The following ZNF569 variants were observed in gnomAD, a reference collection of about 807,000 sequenced individuals.
The protein encoded by ZNF569 is DNA-binding protein.
ZNF569 carries 38 observed loss-of-function variants against 56.3 expected under a neutral mutation model. The observed-to-expected ratio is 0.68, with a 90% confidence interval of 0.52 to 0.88. The LOEUF (loss-of-function observed/expected upper bound fraction) is 0.88, where lower values mean the gene tolerates loss of function less well. Ranked by LOEUF, ZNF569 falls within the 40% of genes least tolerant of loss-of-function variation. ZNF569 has a pLI of 0.00. For missense variants in ZNF569, 666 were observed against 809.2 expected (o/e 0.82, Z 2.15); for synonymous variants, 241 against 262.9 (o/e 0.92, Z 0.81).
At chr19:37,466,959 C>T (rs952292730) in intron 1 of ZNF569, 125 bp downstream of exon 1, 1 of 152,626 alleles carries the variant, frequency 6.6e-6, no homozygotes, top group African/African-American at 2.4e-5. Flanking sequence ...CAGGGAACCA[C>T]AAGCACAGGC....
chr19:37,468,072 T>G (rs771813312), upstream of ZNF569: 143 of 203,490 alleles, frequency 7.0e-4, 1 homozygote, highest in African/African-American at 5.0e-3. Context: ...GCCTTTCGTG[T>G]TTTTTTTTTT....
Position 37,420,281 on chromosome 19 carries a change from C to T in ZNF569, c.238+5587G>A, listed in dbSNP as rs2041012369. Among the ~76,000 whole-genome samples, 8 of 152,148 alleles carry T rather than the reference C, an allele frequency of 5.3e-5. No homozygotes were observed. The South Asian group carries it at 1.7e-3, about 32-fold the overall frequency. ...CGGATTACAGGTGTGAGCCACTGCG[C>T]CGGCCCCAATTTCTTAAGATAACAA... On this transcript the variant is annotated intron_variant, in intron 5 of 5. Coordinates refer to ENST00000316950, the MANE Select transcript of ZNF569 (RefSeq NM_152484.3).
rs75375313 is a variant in ZNF569 at position 37,426,075 on chromosome 19, C to T, written c.143-112G>A. 1.0e-4 allele frequency: 135 copies of T among 1,346,692 alleles called. 1 individual carries two copies. Among genetic ancestry groups the T allele is most frequent in the Middle Eastern group, 3.7e-4 (2 of 5,374 alleles). The allele number at this position is 1,346,692 out of a possible 1,614,324, so 83.4% of individuals were successfully genotyped here. A position where few individuals can be genotyped will look rare whatever the true frequency, so the allele number is the denominator to read the frequency against. ...GCTAAAGGACAAGAAAATGTGGCTT[C>T]GGGGGTTCTGTCCCCTTTTGCTCTG... On this transcript the variant is annotated intron_variant, in intron 4 of 5. Transcript: ENST00000316950.
chr19:37,462,293 TTTATA>T (rs1403020722), intron 2 of ZNF569, among the ~76,000 whole-genome samples: 1 of 152,126 alleles, frequency 6.6e-6, no homozygotes, highest in Non-Finnish European at 1.5e-5. Context: ...TAAGGACATT[TTTATA>T]TTATCTGCTT....
At chr19:37,429,849 A>T (rs922786881) in intron 3 of ZNF569, among the ~76,000 whole-genome samples, 1 of 152,208 alleles carries the variant, frequency 6.6e-6, no homozygotes, top group Non-Finnish European at 1.5e-5. Context: ...TTGAAGACAG[A>T]TCACTAAAAA....
At position 37,433,326 on chromosome 19, in the gene ZNF569, A is replaced by G. The variant is rs138872082; in HGVS notation, c.16-6948T>C. ...AGAGGAGACAAAAGAAAAATGAGTA[A>G]GAAAGAATGAAGCATGCCTGTAAGA... On this transcript the variant is annotated intron_variant, in intron 3 of 5. Coordinates refer to ENST00000316950, the MANE Select transcript of ZNF569 (RefSeq NM_152484.3). 4.3e-4 allele frequency among the ~76,000 whole-genome samples: 65 copies of G among 152,344 alleles called. No homozygotes were observed. The East Asian group carries it at 0.012, about 29-fold the overall frequency.
At chr19:37,435,193 A>G (rs1048378615) in intron 3 of ZNF569, among the ~76,000 whole-genome samples, 3 of 152,340 alleles carry the variant, frequency 2.0e-5, no homozygotes, top group African/African-American at 7.2e-5. Flanking sequence ...ACAAAGTTAA[A>G]GTGTAGAGTA....
intron 3 of ZNF569, 106 bp downstream of exon 3, chr19:37,444,801 T>C (rs2146939873): frequency 2.5e-6 from 2 of 803,112 alleles, no homozygotes; most frequent in Non-Finnish European, 3.9e-6. Flanking sequence ...CCTGAAAATA[T>C]GTTTTATGTA....
At chr19:37,426,796 G>C (rs1275975592) in intron 3 of ZNF569, among the ~76,000 whole-genome samples, 1 of 152,184 alleles carries the variant, frequency 6.6e-6, no homozygotes, top group Non-Finnish European at 1.5e-5. Context: ...TATTGTTCAT[G>C]AGATCAGGAG....
intron 2 of ZNF569, among the ~76,000 whole-genome samples, chr19:37,453,151 C>T (rs111916617): frequency 2.2e-4 from 33 of 152,214 alleles, no homozygotes; most frequent in African/African-American, 2.9e-4. Flanking sequence ...GAAAAGATGG[C>T]GTACTGGTTG....
At chr19:37,469,071 C>T, upstream of ZNF569, 1 of 1,008,088 alleles carries the variant, frequency 9.9e-7, no homozygotes, top group South Asian at 4.2e-5. Context: ...CACTTCCACA[C>T]CAGCCCGTGT....
At chr19:37,415,618 C>A (rs1338885932) in intron 5 of ZNF569, among the ~76,000 whole-genome samples, 1 of 151,950 alleles carries the variant, frequency 6.6e-6, no homozygotes, top group African/African-American at 2.4e-5. Context: ...TGCCTATAAT[C>A]CCAGCACTTT....
intron 5 of ZNF569, among the ~76,000 whole-genome samples, chr19:37,419,092 T>C (rs1430538388): frequency 6.6e-6 from 1 of 152,238 alleles, no homozygotes; most frequent in Non-Finnish European, 1.5e-5. Flanking sequence ...GCCATATTTA[T>C]GTCTTGAAAA....
rs1036611413 is a variant in ZNF569, at chr19:37,412,411, G to A, written c.*186C>T. The A allele has an allele frequency of 9.4e-6, 10 of 1,061,510 alleles. No individual in the cohort carries two copies. Among genetic ancestry groups the A allele is most frequent in the African/African-American group, 1.8e-5 (1 of 56,366 alleles). 65.8% of individuals were successfully genotyped at this position (1,061,510 alleles called of 1,614,324 possible). On this transcript the variant is annotated 3_prime_UTR_variant, in exon 6 of 6. Coordinates refer to ENST00000316950, the MANE Select transcript of ZNF569 (RefSeq NM_152484.3). ...ATAAGATGTCTGCTGAAAGTTTCTG[G>A]TAACAGCTTTTTCATTATATAATTT...
chr19:37,465,650 G>A (rs551882966), intron 1 of ZNF569, among the ~76,000 whole-genome samples, 177 bp from the exon 2 acceptor site: 1 of 152,308 alleles, frequency 6.6e-6, no homozygotes, highest in South Asian at 2.1e-4. Context: ...TATCAACAGT[G>A]TATGAGGATA....
rs754686308 is a variant in ZNF569, at chr19:37,413,694, C to A, written c.964G>T (p.Gly322Trp). ...SLIAHQKVHT[G>W]EKPYACNECG... ...TCATTACATGCATAAGGTTTCTCCC[C>A]AGTATGAACTTTCTGATGTGCAATG... Residue 322 changes from glycine to tryptophan, a missense_variant, in exon 6 of 6, where the codon GGG becomes TGG. Gly to Trp is a radical substitution (Grantham distance 184). Coordinates refer to ENST00000316950, the MANE Select transcript of ZNF569 (RefSeq NM_152484.3). 6.2e-7 allele frequency: 1 copy of A among 1,613,748 alleles called. No individual in the cohort carries two copies. The highest frequency in any genetic ancestry group is 8.5e-7 in the Non-Finnish European group (1 of 1,179,876).
At chr19:37,462,690 C>A (rs2041773973) in intron 2 of ZNF569, among the ~76,000 whole-genome samples, 1 of 152,192 alleles carries the variant, frequency 6.6e-6, no homozygotes, top group South Asian at 2.1e-4. Flanking sequence ...CCCCATCAGT[C>A]TCTTTTGCTA....
At chr19:37,426,885 G>C (rs1239725181) in intron 3 of ZNF569, among the ~76,000 whole-genome samples, 1 of 152,168 alleles carries the variant, frequency 6.6e-6, no homozygotes, top group Non-Finnish European at 1.5e-5. Flanking sequence ...GGATCTGATT[G>C]TTCAAATAGT....
chr19:37,443,260 T>C (rs1278762988), intron 3 of ZNF569, among the ~76,000 whole-genome samples: 1 of 151,972 alleles, frequency 6.6e-6, no homozygotes, highest in Non-Finnish European at 1.5e-5. Context: ...GCAGGAGAAT[T>C]GCTTGAACCT....
Sources: gnomAD v4.1 joint callset for allele counts (sites outside exome capture counted in the v4.1 genomes callset) on GRCh38, gnomAD v4.1.1 for gene constraint, MANE v1.5 for transcripts, NCBI Gene and HGNC (gene_info 2026-07-23, HGNC 2026-07-21) for gene names.